Variants in PAG1 observed in about 807,000 individuals in gnomAD.
PAG1 encodes the protein phosphoprotein membrane anchor with glycosphingolipid microdomains 1.
Under a neutral mutation model 31.7 loss-of-function variants are expected in PAG1, and 23 were observed. The observed-to-expected ratio is 0.73, with a 90% CI of 0.52 to 1.03. The LOEUF (loss-of-function observed/expected upper bound fraction) is 1.03, where lower values mean the gene tolerates loss of function less well. Ranked by LOEUF, PAG1 falls within the 50% of genes least tolerant of loss-of-function variation. PAG1 has a pLI of 0.00. For missense variants in PAG1, 473 were observed against 540.7 expected (o/e 0.87, Z 1.24); for synonymous variants, 214 against 210.3 (o/e 1.02, Z -0.15).
chr8:80,996,427 C>G (rs1807674381), intron 3 of PAG1, among the ~76,000 whole-genome samples: 1 of 152,212 alleles, frequency 6.6e-6, no homozygotes, highest in Non-Finnish European at 1.5e-5. Flanking sequence ...CCTGGTCTCT[C>G]TCTCTTTTTT....
chr8:80,992,981 G>T, intron 4 of PAG1, 122 bp downstream of exon 4: 1 of 777,662 alleles, frequency 1.3e-6, no homozygotes, highest in Non-Finnish European at 2.0e-6. Context: ...TAAAGCTAAT[G>T]CACAAGTTTC....
At chr8:80,993,659 G>A (rs189030693) in intron 3 of PAG1, among the ~76,000 whole-genome samples, 16 of 148,824 alleles carry the variant, frequency 1.1e-4, no homozygotes, top group Admixed American at 6.8e-4. Context: ...GTACAGGGGC[G>A]CAATCATGGA....
chr8:81,078,091 A>C (rs1204352680), intron 1 of PAG1, among the ~76,000 whole-genome samples: 1 of 152,242 alleles, frequency 6.6e-6, no homozygotes, highest in Non-Finnish European at 1.5e-5. Flanking sequence ...GAAAATACAC[A>C]GAAGGTGTCT....
chr8:81,044,927 C>T (rs1808615877), intron 2 of PAG1, among the ~76,000 whole-genome samples: 2 of 152,178 alleles, frequency 1.3e-5, no homozygotes, highest in Non-Finnish European at 2.9e-5. Flanking sequence ...ACCAGTCTCC[C>T]CGGGCATAAC....
intron 3 of PAG1, among the ~76,000 whole-genome samples, chr8:81,022,336 T>G (rs1296033421): frequency 6.6e-6 from 1 of 152,220 alleles, no homozygotes; most frequent in Non-Finnish European, 1.5e-5. Flanking sequence ...TCATATTTAC[T>G]GAAAGGCTCC....
chr8:81,041,200 T>A (rs1244229681), intron 2 of PAG1, among the ~76,000 whole-genome samples: 2 of 152,210 alleles, frequency 1.3e-5, no homozygotes, highest in Non-Finnish European at 2.9e-5. Flanking sequence ...ATCACATTTT[T>A]TTTTTTGTCT....
intron 1 of PAG1, among the ~76,000 whole-genome samples, chr8:81,084,053 A>C (rs1809312622): frequency 6.6e-6 from 1 of 151,836 alleles, no homozygotes; most frequent in African/African-American, 2.4e-5. Context: ...AAAAAAGGGA[A>C]TATGTGAGCT....
At chr8:81,090,783 C>T (rs903315326) in intron 1 of PAG1, among the ~76,000 whole-genome samples, 2 of 152,176 alleles carry the variant, frequency 1.3e-5, no homozygotes, top group African/African-American at 4.8e-5. Context: ...ACAGATCACA[C>T]AGCAGAATGC....
At chr8:81,107,171 G>A (rs1809705841) in intron 1 of PAG1, among the ~76,000 whole-genome samples, 1 of 152,050 alleles carries the variant, frequency 6.6e-6, no homozygotes, top group Non-Finnish European at 1.5e-5. Context: ...AAGCAGACAT[G>A]TGGTTTTCTT....
intron 2 of PAG1, among the ~76,000 whole-genome samples, chr8:81,057,097 T>C (rs981422717): frequency 6.6e-5 from 10 of 152,084 alleles, no homozygotes; most frequent in South Asian, 2.1e-4. Flanking sequence ...TGTGAAGAAA[T>C]AGGAACACTT....
Position 81,078,033 on chromosome 8 carries a change from G to A in PAG1, c.-233-7863C>T, listed in dbSNP as rs571531708. Reference sequence around the variant, plus strand: ...ACCCAAAAATATTATTTCCGACATGGCCATTGTTATAAATGTACACAGCAA... The same window carrying A: ...ACCCAAAAATATTATTTCCGACATGACCATTGTTATAAATGTACACAGCAA... On this transcript the variant is annotated intron_variant, in intron 1 of 8. Coordinates refer to ENST00000220597, the MANE Select transcript of PAG1 (RefSeq NM_018440.4). Among the ~76,000 whole-genome samples the A allele has an allele frequency of 8.9e-4, 136 of 152,134 alleles. 1 individual carries two copies. Among genetic ancestry groups the A allele is most frequent in the Non-Finnish European group, 1.8e-3 (123 of 68,018 alleles).
chr8:81,094,628 T>A (rs565721250), intron 1 of PAG1, among the ~76,000 whole-genome samples: 1 of 152,210 alleles, frequency 6.6e-6, no homozygotes, highest in African/African-American at 2.4e-5. Context: ...AATATATATA[T>A]ATTTTCCCCT....
At chr8:81,042,436 C>T (rs1808569821) in intron 2 of PAG1, among the ~76,000 whole-genome samples, 1 of 152,160 alleles carries the variant, frequency 6.6e-6, no homozygotes, top group South Asian at 2.1e-4. Context: ...GTTAACATTA[C>T]CTTTAACACA....
intron 2 of PAG1, among the ~76,000 whole-genome samples, chr8:81,051,109 A>T (rs1647702881): frequency 6.6e-6 from 1 of 152,182 alleles, no homozygotes; most frequent in African/African-American, 2.4e-5. Flanking sequence ...ATCCATCTGT[A>T]AGCTGTCTCT....
Position 81,024,853 on chromosome 8 carries a change from T to G in PAG1, c.-81+5143A>C, listed in dbSNP as rs1483809947. ...TTTGCATAATAACTTCCCTCCTTCTTCCATCTTTTCTACCTTACATTCTCT... is the reference window on the plus strand; with the variant it reads ...TTTGCATAATAACTTCCCTCCTTCTGCCATCTTTTCTACCTTACATTCTCT... On this transcript the variant is annotated intron_variant, in intron 3 of 8. Transcript: ENST00000220597. Among the ~76,000 whole-genome samples, 3 of 152,230 alleles carry G rather than the reference T, an allele frequency of 2.0e-5. No individual in the cohort carries two copies. In the South Asian group the frequency reaches 6.2e-4, roughly 32 times the overall value.
intron 2 of PAG1, among the ~76,000 whole-genome samples, chr8:81,034,900 G>A (rs775957117): frequency 6.6e-6 from 1 of 152,180 alleles, no homozygotes; most frequent in Non-Finnish European, 1.5e-5. Context: ...TCCCTGGCCA[G>A]GTCTGCTCAC....
intron 3 of PAG1, among the ~76,000 whole-genome samples, chr8:81,023,877 A>T (rs1236708802): frequency 6.6e-6 from 1 of 152,214 alleles, no homozygotes; most frequent in Non-Finnish European, 1.5e-5. Flanking sequence ...ACACCATGAA[A>T]AGTCTGTAAG....
At chr8:81,052,692 G>C (rs144687531) in intron 2 of PAG1, among the ~76,000 whole-genome samples, 23 of 152,228 alleles carry the variant, frequency 1.5e-4, no homozygotes, top group Non-Finnish European at 2.6e-4. Context: ...TGAGCACCGG[G>C]AACTATTATT....
chr8:80,982,040 ATT>A (rs1563615174), intron 7 of PAG1, among the ~76,000 whole-genome samples: 1 of 151,436 alleles, frequency 6.6e-6, no homozygotes, highest in African/African-American at 2.4e-5. Flanking sequence ...TAATTTTTGT[ATT>A]TTTTGTAGAG....
Sources: gnomAD v4.1 joint callset for allele counts (sites outside exome capture counted in the v4.1 genomes callset) on GRCh38, gnomAD v4.1.1 for gene constraint, MANE v1.5 for transcripts, NCBI Gene and HGNC (gene_info 2026-07-23, HGNC 2026-07-21) for gene names.